The following PDE10A variants were observed in gnomAD, a reference collection of about 807,000 sequenced individuals.
The protein encoded by PDE10A is cAMP and cAMP-inhibited cGMP 3',5'-cyclic phosphodiesterase 10A.
In PDE10A, 39 loss-of-function variants were observed where a neutral mutation model predicts 97.7. That is an observed-to-expected ratio of 0.40 (90% CI 0.31 to 0.52). The LOEUF (loss-of-function observed/expected upper bound fraction) is 0.52. Ranked by LOEUF, PDE10A falls within the 20% of genes least tolerant of loss-of-function variation. The pLI is 0.56. For synonymous variants in PDE10A, 371 were observed against 376.8 expected, an observed-to-expected ratio of 0.98 and a Z score of 0.18; for missense variants, 731 against 1,047.8, an observed-to-expected ratio of 0.70 and a Z score of 4.17.
At chr6:165,954,288 C>T (rs9348056) in intron 1 of PDE10A, among the ~76,000 whole-genome samples, 12,021 of 152,204 alleles carry the variant, frequency 0.079, 706 homozygotes, top group East Asian at 0.33. Flanking sequence ...GTAGATGGTG[C>T]TTCTGACATT....
At chr6:165,373,029 T>G (rs9459401) in intron 18 of PDE10A, among the ~76,000 whole-genome samples, 54,270 of 130,792 alleles carry the variant, frequency 0.41, 11,303 homozygotes, top group African/African-American at 0.57. Context: ...TAGCCATATG[T>G]AGAAAGCTGA....
chr6:165,645,169 G>A (rs964032306), intron 1 of PDE10A, among the ~76,000 whole-genome samples: 2 of 152,278 alleles, frequency 1.3e-5, no homozygotes, highest in South Asian at 2.1e-4. Context: ...ACCCCTGCCA[G>A]GGCCAGGAGA....
In PDE10A at chr6:165,711,873, T is replaced by G. The variant is rs572084722; in HGVS notation, c.-614-168305A>C. ...CGGGATGTAGGAGTGTGTTGGTTGG[T>G]TTTATTCTGCATCCTAGGGGTGATT... On this transcript the variant is annotated intron_variant, in intron 1 of 19. Transcript: ENST00000366882. This position sits in a 1 kb window ranked among gnomAD's most constrained non-coding sequence, Gnocchi z 4.5. Among the ~76,000 whole-genome samples, 4 of 152,208 alleles carry G rather than the reference T, an allele frequency of 2.6e-5. No individual in the cohort carries two copies. The East Asian group carries it at 7.7e-4, about 29-fold the overall frequency.
intron 10 of PDE10A, among the ~76,000 whole-genome samples, chr6:165,425,387 T>A (rs1229496326): frequency 1.3e-5 from 2 of 152,024 alleles, no homozygotes; most frequent in East Asian, 3.9e-4. Context: ...TACTTTAACA[T>A]CCAAGAATCA....
intron 18 of PDE10A, among the ~76,000 whole-genome samples, chr6:165,346,074 G>A (rs1423703815): frequency 6.6e-6 from 1 of 152,336 alleles, no homozygotes; most frequent in Middle Eastern, 3.4e-3. Flanking sequence ...ACAGGCTGGA[G>A]ACAAGATAGG....
chr6:165,709,508 A>T (rs147049964), intron 1 of PDE10A, among the ~76,000 whole-genome samples: 1,122 of 7,972 alleles, frequency 0.14, 59 homozygotes, highest in African/African-American at 0.27. Flanking sequence ...GCTCCCCCCA[A>T]CTCTCCACCC....
intron 1 of PDE10A, among the ~76,000 whole-genome samples, chr6:165,952,905 G>T (rs1382392934): frequency 6.6e-6 from 1 of 151,758 alleles, no homozygotes; most frequent in East Asian, 1.9e-4. Context: ...AGTAGTTGTG[G>T]TTTTTCCATC....
intron 1 of PDE10A, among the ~76,000 whole-genome samples, chr6:165,733,611 AT>A (rs1420142527): frequency 6.6e-6 from 1 of 152,232 alleles, no homozygotes; most frequent in African/African-American, 2.4e-5. Flanking sequence ...GGTGGGTGGA[AT>A]TGCAAAGATA....
intron 19 of PDE10A, among the ~76,000 whole-genome samples, chr6:165,340,655 G>C (rs888862087): frequency 6.6e-6 from 1 of 152,204 alleles, no homozygotes; most frequent in African/African-American, 2.4e-5. Flanking sequence ...AAAAGGAAAA[G>C]AACCCAGTGC....
intron 16 of PDE10A, among the ~76,000 whole-genome samples, chr6:165,392,428 T>C (rs1045783248): frequency 1.3e-5 from 2 of 152,202 alleles, no homozygotes; most frequent in Admixed American, 6.5e-5. Flanking sequence ...TGGGGGATAT[T>C]TTGATGAAGT....
chr6:165,486,863 A>G (rs1779953229), intron 2 of PDE10A, among the ~76,000 whole-genome samples: 1 of 152,226 alleles, frequency 6.6e-6, no homozygotes, highest in Non-Finnish European at 1.5e-5. Context: ...CGGCAGATAA[A>G]GCAGCTGCAT....
chr6:165,524,034 C>T (rs1316414423), intron 2 of PDE10A, among the ~76,000 whole-genome samples: 1 of 152,156 alleles, frequency 6.6e-6, no homozygotes, highest in Non-Finnish European at 1.5e-5. Flanking sequence ...GCCTAGCTTT[C>T]CAGCCTACAT....
At chr6:165,397,911 T>C (rs1236820903) in intron 13 of PDE10A, among the ~76,000 whole-genome samples, 1 of 152,118 alleles carries the variant, frequency 6.6e-6, no homozygotes, top group Non-Finnish European at 1.5e-5. Flanking sequence ...ACAGTAATTA[T>C]GTGCACACAA....
At chr6:165,979,958 A>G (rs1157375271) in intron 1 of PDE10A, among the ~76,000 whole-genome samples, 2 of 152,226 alleles carry the variant, frequency 1.3e-5, no homozygotes, top group Admixed American at 1.3e-4. Flanking sequence ...AAATTCCTCA[A>G]TGTTTATTCT....
At chr6:165,875,182 G>C (rs1381763572) in intron 1 of PDE10A, among the ~76,000 whole-genome samples, 1 of 152,140 alleles carries the variant, frequency 6.6e-6, no homozygotes, top group Non-Finnish European at 1.5e-5. Context: ...CAGAGAGTTG[G>C]TTTAGGACAA....
intron 2 of PDE10A, among the ~76,000 whole-genome samples, chr6:165,511,017 T>A (rs1335152686): frequency 3.3e-5 from 5 of 151,946 alleles, no homozygotes; most frequent in African/African-American, 1.2e-4. Context: ...TATAATTTTT[T>A]AGTATTTCAC....
intron 1 of PDE10A, among the ~76,000 whole-genome samples, chr6:165,674,766 T>A (rs1274729799): frequency 1.3e-5 from 2 of 152,194 alleles, no homozygotes; most frequent in Admixed American, 1.3e-4. Context: ...GTGTACATAG[T>A]CAGTTGCCTC....
chr6:165,482,324 T>A lies in PDE10A; in HGVS notation c.1014A>T (p.Glu338Asp). ...TATTCACATCACTTACCCTGCTGAC[T>A]TCCTTAGGAGCTGATTCATCTGGGG... ...NKSEDESAPK[E>D]VSRYQDTNMQ... The change falls in exon 3 of 22, where the codon GAA (glutamate) becomes GAT (aspartate). Residue 338 changes from glutamate (E) to aspartate (D), a missense_variant. This residue lies in a region of PDE10A where 181 missense variants were observed against 159.1 expected (regional missense o/e 1.14). Coordinates refer to ENST00000539869, the MANE Select transcript of PDE10A (RefSeq NM_001385079.1). 1.3e-6 allele frequency: 2 copies of A among 1,599,386 alleles called. No individual in the cohort carries two copies. The highest frequency in any genetic ancestry group is 1.7e-6 in the Non-Finnish European group (2 of 1,166,794).
At chr6:165,429,046 T>C (rs923236918) in intron 9 of PDE10A, among the ~76,000 whole-genome samples, 4 of 152,110 alleles carry the variant, frequency 2.6e-5, no homozygotes, top group African/African-American at 9.7e-5. Context: ...ATTTAATATT[T>C]TCATTAATAA....
Sources: allele counts gnomAD v4.1 joint callset (sites outside exome capture counted in the v4.1 genomes callset), GRCh38; gene constraint gnomAD v4.1.1; regional missense constraint gnomAD v4.1.1; non-coding constraint Gnocchi (gnomAD v3.1); transcripts MANE v1.5; gene names NCBI Gene and HGNC (gene_info 2026-07-23, HGNC 2026-07-21).